PREX2: variants seen among roughly 807,000 people sequenced by gnomAD.
PREX2 encodes the protein phosphatidylinositol-3,4,5-trisphosphate dependent Rac exchange factor 2, also known as phosphatidylinositol 3,4,5-trisphosphate-dependent Rac exchanger 2 protein.
PREX2 carries 107 observed loss-of-function variants against 203.2 expected under a neutral mutation model. The ratio of observed to expected loss-of-function variants is 0.53; its 90% CI spans 0.45 to 0.62. PREX2 has a LOEUF of 0.62. PREX2 is among the 20% of genes least tolerant of loss of function. The pLI, the probability that PREX2 is intolerant of heterozygous loss-of-function variation, is 0.00. For missense variants in PREX2, 1,777 were observed against 1,955.9 expected, an observed-to-expected ratio of 0.91 and a Z score of 1.72; for synonymous variants, 672 against 663.6, an observed-to-expected ratio of 1.01 and a Z score of -0.19.
intron 20 of PREX2, among the ~76,000 whole-genome samples, chr8:68,091,938 T>G (rs1046092647): frequency 2.6e-5 from 4 of 152,144 alleles, no homozygotes; most frequent in Non-Finnish European, 5.9e-5. Flanking sequence ...ACTGCAAAAC[T>G]TAGTGGCTTA....
At chr8:68,110,272 T>G (rs765515111) in intron 25 of PREX2, among the ~76,000 whole-genome samples, 2 of 152,216 alleles carry the variant, frequency 1.3e-5, no homozygotes, top group African/African-American at 4.8e-5. Flanking sequence ...GTTTGTCATA[T>G]CATGGTATAG....
chr8:68,179,908 G>A (rs1812052465), intron 35 of PREX2, among the ~76,000 whole-genome samples: 1 of 151,768 alleles, frequency 6.6e-6, no homozygotes, highest in African/African-American at 2.4e-5. Context: ...AAGAACAAGT[G>A]AAAAAAAATC....
At chr8:68,180,453 G>C (rs1470436301) in intron 35 of PREX2, among the ~76,000 whole-genome samples, 1 of 152,072 alleles carries the variant, frequency 6.6e-6, no homozygotes, top group South Asian at 2.1e-4. Flanking sequence ...ACAAATAAGT[G>C]AATACACAAA....
chr8:68,227,169 A>G (rs1208408306), intron 39 of PREX2, among the ~76,000 whole-genome samples: 1 of 152,220 alleles, frequency 6.6e-6, no homozygotes, highest in Admixed American at 6.5e-5. Context: ...AGGATGGCCC[A>G]TTTGAGGACA....
intron 37 of PREX2, among the ~76,000 whole-genome samples, chr8:68,209,910 TATC>T (rs1285084403): frequency 3.9e-5 from 6 of 152,290 alleles, no homozygotes; most frequent in African/African-American, 1.4e-4. Context: ...GTTTGCCAAA[TATC>T]ATAGTTTACT....
At chr8:68,138,736 T>A (rs989969893) in intron 33 of PREX2, among the ~76,000 whole-genome samples, 5 of 152,326 alleles carry the variant, frequency 3.3e-5, no homozygotes, top group Admixed American at 2.6e-4. Context: ...CCATATCTTT[T>A]ACTTTCTGCA....
At chr8:68,125,895 T>C (rs1250133476) in intron 30 of PREX2, among the ~76,000 whole-genome samples, 1 of 152,072 alleles carries the variant, frequency 6.6e-6, no homozygotes, top group Non-Finnish European at 1.5e-5. Flanking sequence ...CTAACGTCCC[T>C]CTCCCTATCT....
intron 1 of PREX2, among the ~76,000 whole-genome samples, chr8:67,979,951 A>G (rs1806218224): frequency 6.6e-6 from 1 of 152,216 alleles, no homozygotes. Flanking sequence ...GTAGACAGAC[A>G]CTTACAATAT....
intron 20 of PREX2, among the ~76,000 whole-genome samples, chr8:68,093,146 T>G (rs1809935779): frequency 6.6e-6 from 1 of 152,024 alleles, no homozygotes; most frequent in African/African-American, 2.4e-5. Context: ...ATCCCAGCAC[T>G]TTGGGAGGCC....
At chr8:68,192,138 T>C (rs1305972298) in intron 36 of PREX2, among the ~76,000 whole-genome samples, 197 bp from the exon 37 acceptor site, 2 of 152,336 alleles carry the variant, frequency 1.3e-5, no homozygotes, top group African/African-American at 2.4e-5. Flanking sequence ...GGATTGCAGT[T>C]AGTGCTATTG....
intron 1 of PREX2, among the ~76,000 whole-genome samples, chr8:67,958,006 G>A (rs1805535350): frequency 6.6e-6 from 1 of 152,186 alleles, no homozygotes; most frequent in African/African-American, 2.4e-5. Context: ...GGCCTTGGGA[G>A]GACATGGGGA....
chr8:68,234,945 A>C lies in PREX2; in HGVS notation c.*3567A>C, dbSNP rs925293372. 2.0e-5 allele frequency: 3 copies of C among 152,150 alleles called. No individual in the cohort carries two copies. Among genetic ancestry groups the C allele is most frequent in the African/African-American group, 7.2e-5 (3 of 41,458 alleles). 9.4% of individuals were successfully genotyped at this position (152,150 alleles called of 1,614,324 possible). On this transcript the variant is annotated 3_prime_UTR_variant, in exon 40 of 40. Transcript: ENST00000288368. ...TGATACTAACTTTGAGAGCCAAAAA[A>C]ATGAATGGGTAAACAAAGCCTAAGG... is the stretch of plus-strand genomic sequence containing the variant.
At chr8:67,960,549 A>G (rs1006756860) in intron 1 of PREX2, among the ~76,000 whole-genome samples, 2 of 152,084 alleles carry the variant, frequency 1.3e-5, no homozygotes, top group African/African-American at 4.8e-5. Context: ...GGGCCTAGGG[A>G]ATGCAGGAGA....
intron 35 of PREX2, among the ~76,000 whole-genome samples, chr8:68,173,391 C>A (rs372717715): frequency 1.3e-5 from 2 of 152,124 alleles, no homozygotes; most frequent in South Asian, 2.1e-4. Flanking sequence ...TGTAGTGACA[C>A]TTTGAAAACA....
intron 1 of PREX2, among the ~76,000 whole-genome samples, chr8:67,968,001 C>T (rs1805822425): frequency 6.6e-6 from 1 of 150,944 alleles, no homozygotes; most frequent in East Asian, 1.9e-4. Context: ...TGCAGCACAC[C>T]AACACGGCAC....
At position 68,193,507 on chromosome 8, in the gene PREX2, G is replaced by T. The variant is rs142446395; in HGVS notation, c.4604+982G>T. On this transcript the variant is annotated intron_variant, in intron 37 of 39. Transcript: ENST00000288368. ...TGGCACTGAATCCATGCAAAGGATT[G>T]CAGTCAGTGCTGTTGGCTGTGTAAT... 4.0e-3 allele frequency among the ~76,000 whole-genome samples: 612 copies of T among 152,294 alleles called. 9 individuals are homozygous for T. Among genetic ancestry groups the T allele is most frequent in the African/African-American group, 0.014 (569 of 41,556 alleles).
At chr8:68,088,261 T>G (rs1809762695) in intron 19 of PREX2, among the ~76,000 whole-genome samples, 1 of 152,216 alleles carries the variant, frequency 6.6e-6, no homozygotes, top group Non-Finnish European at 1.5e-5. Context: ...CATTTTAAAT[T>G]CAATAATTTT....
intron 37 of PREX2, among the ~76,000 whole-genome samples, chr8:68,196,277 T>A (rs1235779544): frequency 1.3e-5 from 2 of 150,486 alleles, no homozygotes; most frequent in Non-Finnish European, 3.0e-5. Flanking sequence ...AATTTTTGCT[T>A]TTTAATCGTA....
At chr8:68,128,297 G>A (rs1208758997) in intron 31 of PREX2, among the ~76,000 whole-genome samples, 4 of 152,196 alleles carry the variant, frequency 2.6e-5, no homozygotes, top group Admixed American at 2.0e-4. Flanking sequence ...TTAACTAGAT[G>A]TTGATAGGGA....
Sources: gnomAD v4.1 joint callset for allele counts (sites outside exome capture counted in the v4.1 genomes callset) on GRCh38, gnomAD v4.1.1 for gene constraint, MANE v1.5 for transcripts, NCBI Gene and HGNC (gene_info 2026-07-23, HGNC 2026-07-21) for gene names.